ASMTL: variants seen among roughly 807,000 people sequenced by gnomAD.
The protein encoded by ASMTL is acetylserotonin O-methyltransferase like.
ASMTL carries 57 observed loss-of-function variants against 60.3 expected under a neutral mutation model. The ratio of observed to expected loss-of-function variants is 0.95; its 90% CI spans 0.76 to 1.18. The LOEUF (loss-of-function observed/expected upper bound fraction) is 1.18. Ranked by LOEUF, ASMTL falls within the 50% of genes most tolerant of loss-of-function variation. ASMTL has a pLI of 0.00. For synonymous variants in ASMTL, 419 were observed against 373.0 expected, an observed-to-expected ratio of 1.12 and a Z score of -1.42; for missense variants, 981 against 852.6, an observed-to-expected ratio of 1.15 and a Z score of -1.88.
chrX:1,412,564 C>T (rs5989842), intron 12 of ASMTL, 168 bp downstream of exon 12: 130,683 of 307,130 alleles, frequency 0.43, 28,019 homozygotes, highest in Middle Eastern at 0.46. Context: ...GGTTTCACCA[C>T]GTTGGCCAGG....
intron 11 of ASMTL, chrX:1,413,971 C>T (rs2090137892): frequency 6.6e-6 from 1 of 151,546 alleles, no homozygotes; most frequent in South Asian, 2.1e-4. Context: ...AAGTCCTAAG[C>T]CCCAGAACCT....
At chrX:1,431,232 T>G (rs1375933410) in intron 6 of ASMTL, among the ~76,000 whole-genome samples, 9 of 125,312 alleles carry the variant, frequency 7.2e-5, no homozygotes, top group Non-Finnish European at 1.2e-4. Flanking sequence ...AATTATAAAT[T>G]ATATTTATAT....
intron 1 of ASMTL, among the ~76,000 whole-genome samples, chrX:1,447,293 A>G (rs1478626717): frequency 6.6e-6 from 1 of 152,212 alleles, no homozygotes; most frequent in Admixed American, 6.5e-5. Flanking sequence ...GCCATCTTGG[A>G]CCCATTACAC....
chrX:1,439,221 G>A (rs377533754), intron 2 of ASMTL, 77 bp from the exon 3 acceptor site: 87 of 1,498,032 alleles, frequency 5.8e-5, no homozygotes, highest in Middle Eastern at 1.7e-4. Context: ...CGGTACGGGC[G>A]TGAAAGAGCA....
intron 6 of ASMTL, among the ~76,000 whole-genome samples, chrX:1,431,357 T>C (rs189041372): frequency 0.09 from 11,956 of 133,548 alleles, 675 homozygotes; most frequent in Admixed American, 0.13. Context: ...ATAAATTATA[T>C]AATTTATATA....
rs1427995763 is a variant in ASMTL at position 1,435,061 on chromosome X, C to T, written c.361G>A (p.Val121Met). The T allele has an allele frequency of 3.5e-5, 57 of 1,613,962 alleles. No individual in the cohort carries two copies. Among genetic ancestry groups the T allele is most frequent in the Non-Finnish European group, 4.3e-5 (51 of 1,179,858 alleles). ...LSRLSGREHS[V>M]FTGVAIVHCS... ...TGGACGATCGCGACACCTGTGAACACGCTGTGTTCTCTCCCACTCAACCTG... is the reference window on the plus strand; with the variant it reads ...TGGACGATCGCGACACCTGTGAACATGCTGTGTTCTCTCCCACTCAACCTG... The change falls in exon 5 of 13, where the codon GTG (valine) becomes ATG (methionine). Residue 121 changes from valine to methionine, a missense_variant. Transcript: ENST00000381317.
chrX:1,452,644 G>T (rs1484418590), intron 1 of ASMTL, 104 bp downstream of exon 1: 3 of 939,280 alleles, frequency 3.2e-6, no homozygotes, highest in Non-Finnish European at 3.2e-6. Context: ...AAGGGTCTCG[G>T]GTCACTCTCC....
Position 1,416,961 on chromosome X carries a change from C to T in ASMTL, c.1522+1012G>A, listed in dbSNP as rs755337527. ...GGACTCAGACACAGAGACATTCTGA[C>T]GTACAGACACGCATGCAAGGACATA... On this transcript the variant is annotated intron_variant, in intron 11 of 12. Coordinates refer to ENST00000381317, the MANE Select transcript of ASMTL (RefSeq NM_004192.4). Among the ~76,000 whole-genome samples, 26 of 151,852 alleles carry T rather than the reference C, an allele frequency of 1.7e-4. 1 individual carries two copies. Among genetic ancestry groups the T allele is most frequent in the Admixed American group, 1.2e-3 (18 of 15,234 alleles).
chrX:1,405,202 GTAGA>G (rs1208088425), intron 12 of ASMTL, among the ~76,000 whole-genome samples: 16 of 150,656 alleles, frequency 1.1e-4, no homozygotes, highest in East Asian at 5.9e-4. Flanking sequence ...TGATGGGTAC[GTAGA>G]TAGATGAATG....
chrX:1,404,244 TGAATG>T (rs1191896063), intron 12 of ASMTL, among the ~76,000 whole-genome samples: 1 of 149,090 alleles, frequency 6.7e-6, no homozygotes, highest in Non-Finnish European at 1.5e-5. Context: ...GGTAGGTAGA[TGAATG>T]GATGGATAGA....
rs752474204 is a variant in ASMTL at position 1,420,125 on chromosome X, C to G, written c.1246-1011G>C. Among the ~76,000 whole-genome samples the G allele has an allele frequency of 1.2e-3, 185 of 151,128 alleles. 1 individual carries two copies. The highest frequency in any genetic ancestry group is 1.6e-3 in the Non-Finnish European group (107 of 67,818). Reference sequence around the variant, plus strand: ...CCCTGTCTCTGTCTCCCATCTCCCTCTATGTGTCTGTCTGTCTCCATCTTT... The same window carrying G: ...CCCTGTCTCTGTCTCCCATCTCCCTGTATGTGTCTGTCTGTCTCCATCTTT... On this transcript the variant is annotated intron_variant, in intron 9 of 12. Transcript: ENST00000381317.
upstream of ASMTL, among the ~76,000 whole-genome samples, chrX:1,453,210 G>T (rs2091439685): frequency 6.9e-6 from 1 of 145,812 alleles, no homozygotes; most frequent in South Asian, 2.2e-4. Context: ...GCCAGGCCAC[G>T]CCCATGTCAC....
chrX:1,434,558 C>A (rs1348561869), intron 5 of ASMTL, among the ~76,000 whole-genome samples: 2 of 150,628 alleles, frequency 1.3e-5, no homozygotes, highest in Non-Finnish European at 1.5e-5. Context: ...AATCCCAGCA[C>A]TTTGGGAGGC....
Position 1,418,093 on chromosome X carries a change from C to T in ASMTL, c.1402G>A (p.Glu468Lys). ...ATACGAGGGTACTCACGGGCCAGCT[C>T]TCGGGCCAGTGCACCCGTGCAGCCT... ...VGGCTGALAR[E>K]LAREYPRMQV... The change falls in exon 11 of 13, where the codon GAG becomes AAG. Residue 468 changes from glutamate (E) to lysine (K), a missense_variant. Glu to Lys is a moderately conservative substitution (Grantham distance 56, BLOSUM62 1). Coordinates refer to ENST00000381317, the MANE Select transcript of ASMTL (RefSeq NM_004192.4). 6.2e-7 allele frequency: 1 copy of T among 1,610,864 alleles called. No homozygotes were observed. Among genetic ancestry groups the T allele is most frequent in the Non-Finnish European group, 8.5e-7 (1 of 1,177,912 alleles).
Position 1,421,106 on chromosome X carries a change from C to T in ASMTL, c.1245+552G>A, listed in dbSNP as rs188280916. On this transcript the variant is annotated intron_variant, in intron 9 of 12. Transcript: ENST00000381317. ...TCTTGAGTAGCTGGGACTACAGGCA[C>T]GCGCCATCATCCCCAGCTAATTTTT... Among the ~76,000 whole-genome samples, 4 of 152,068 alleles carry T rather than the reference C, an allele frequency of 2.6e-5. No homozygotes were observed. In the East Asian group the frequency reaches 5.8e-4, roughly 22 times the overall value.
intron 3 of ASMTL, among the ~76,000 whole-genome samples, chrX:1,437,436 G>A (rs1227890992): frequency 6.6e-6 from 1 of 150,392 alleles, no homozygotes; most frequent in African/African-American, 2.5e-5. Flanking sequence ...GGGCAGGGCT[G>A]GTTCCTCCTG....
chrX:1,412,754 CCT>C lies in ASMTL; in HGVS notation c.1621_1622del (p.Arg541GlyfsTer20). 1 of 1,613,966 alleles carries C rather than the reference CCT, an allele frequency of 6.2e-7. No homozygotes were observed. ...CACCTGGCTTGCAGCTCTCGGCGACCCTGCTGAGTAACTTGTGGACTTTGTCG... is the reference window on the plus strand; with the variant it reads ...CACCTGGCTTGCAGCTCTCGGCGACCGCTGAGTAACTTGTGGACTTTGTCG... ...PDDKVHKLLS[R>X]VAESCKPGAG... On this transcript the variant is annotated frameshift_variant, in exon 12 of 13. Transcript: ENST00000381317. LOFTEE classifies it low-confidence loss of function (END_TRUNC).
At chrX:1,434,147 G>C (rs776405994) in intron 5 of ASMTL, among the ~76,000 whole-genome samples, 56 of 152,230 alleles carry the variant, frequency 3.7e-4, no homozygotes, top group African/African-American at 1.3e-3. Flanking sequence ...GTTGGTGCAG[G>C]AAGAACCCAG....
chrX:1,417,128 C>T (rs1313115014), intron 11 of ASMTL, among the ~76,000 whole-genome samples: 5 of 151,804 alleles, frequency 3.3e-5, no homozygotes, highest in African/African-American at 9.7e-5. Flanking sequence ...CACATGCACA[C>T]AGACACACAA....
Sources: gnomAD v4.1 joint callset for allele counts (sites outside exome capture counted in the v4.1 genomes callset) on GRCh38, gnomAD v4.1.1 for gene constraint, MANE v1.5 for transcripts, NCBI Gene and HGNC (gene_info 2026-07-23, HGNC 2026-07-21) for gene names.